The following NRG3 variants were observed in gnomAD, a reference collection of about 807,000 sequenced individuals.
NRG3 encodes the protein neuregulin 3, also known as pro-neuregulin-3, membrane-bound isoform.
Under a neutral mutation model 66.9 loss-of-function variants are expected in NRG3, and 31 were observed. The ratio of observed to expected loss-of-function variants is 0.46; its 90% CI spans 0.35 to 0.63. NRG3 has a LOEUF of 0.63. Ranked by LOEUF, NRG3 falls within the 20% of genes least tolerant of loss-of-function variation. The probability of loss-of-function intolerance (pLI) is 0.00; values close to 1 mark genes in which losing one functional copy is unlikely to be tolerated. For synonymous variants in NRG3, 393 were observed against 359.4 expected (o/e 1.09, Z -1.06); for missense variants, 910 against 878.9 (o/e 1.04, Z -0.45).
intron 2 of NRG3, among the ~76,000 whole-genome samples, chr10:82,498,305 G>C (rs1263348316): frequency 6.6e-6 from 1 of 151,798 alleles, no homozygotes; most frequent in African/African-American, 2.4e-5. Context: ...GACATAATTT[G>C]AGTTGTACAT....
At chr10:82,506,360 A>G (rs541158366) in intron 2 of NRG3, among the ~76,000 whole-genome samples, 5 of 152,320 alleles carry the variant, frequency 3.3e-5, no homozygotes, top group Admixed American at 2.6e-4. Flanking sequence ...TTGATTCCTT[A>G]TAAGTAATTT....
chr10:82,111,715 C>A (rs915290521), intron 1 of NRG3, among the ~76,000 whole-genome samples: 4 of 152,088 alleles, frequency 2.6e-5, no homozygotes, highest in Admixed American at 2.0e-4. Flanking sequence ...CTATTAAATT[C>A]TTTGATGAAA....
intron 1 of NRG3, among the ~76,000 whole-genome samples, chr10:82,253,365 A>T (rs961400303): frequency 2.6e-5 from 4 of 152,226 alleles, no homozygotes; most frequent in African/African-American, 9.6e-5. Flanking sequence ...CCTTCTCCAC[A>T]TTGACAACCA....
intron 1 of NRG3, among the ~76,000 whole-genome samples, chr10:82,077,737 A>T (rs1229757895): frequency 6.6e-6 from 1 of 152,250 alleles, no homozygotes; most frequent in African/African-American, 2.4e-5. Flanking sequence ...CTGTGTTGCC[A>T]ACATAACTTT....
At chr10:82,976,521 A>C (rs966745018) in intron 7 of NRG3, among the ~76,000 whole-genome samples, 7 of 152,160 alleles carry the variant, frequency 4.6e-5, no homozygotes, top group African/African-American at 1.7e-4. Context: ...CATGCTTTGC[A>C]TACTTCCTCT....
chr10:82,574,752 C>T (rs890929660), intron 2 of NRG3, among the ~76,000 whole-genome samples: 2 of 151,640 alleles, frequency 1.3e-5, no homozygotes, highest in Non-Finnish European at 2.9e-5. Context: ...CATTTTGATA[C>T]CATAGATAAA....
intron 1 of NRG3, among the ~76,000 whole-genome samples, chr10:82,035,088 C>T (rs2062740100): frequency 6.6e-6 from 1 of 152,038 alleles, no homozygotes; most frequent in Non-Finnish European, 1.5e-5. Flanking sequence ...TACCAAGCTG[C>T]CCTGTAGTTC....
intron 8 of NRG3, among the ~76,000 whole-genome samples, chr10:82,983,244 C>T (rs1853108675): frequency 6.6e-6 from 1 of 152,146 alleles, no homozygotes. Flanking sequence ...ACATACAAAT[C>T]ATGCTAACAA....
chr10:82,441,116 C>G (rs1055983279), intron 2 of NRG3, among the ~76,000 whole-genome samples: 1 of 152,138 alleles, frequency 6.6e-6, no homozygotes, highest in Non-Finnish European at 1.5e-5. Context: ...AATATTGGAG[C>G]AATTTGTAGA....
intron 1 of NRG3, among the ~76,000 whole-genome samples, chr10:81,980,582 C>G (rs2060298030): frequency 1.3e-5 from 2 of 152,138 alleles, no homozygotes; most frequent in South Asian, 4.1e-4. Flanking sequence ...CATAAGAGGG[C>G]ACAGACACTA....
intron 1 of NRG3, among the ~76,000 whole-genome samples, chr10:82,160,386 A>G (rs931342048): frequency 2.0e-5 from 3 of 152,022 alleles, no homozygotes; most frequent in Non-Finnish European, 4.4e-5. Context: ...TTAAATTCTG[A>G]AGGTTCCTGG....
At chr10:82,568,110 A>G (rs2045523562) in intron 2 of NRG3, among the ~76,000 whole-genome samples, 1 of 151,924 alleles carries the variant, frequency 6.6e-6, no homozygotes, top group South Asian at 2.1e-4. Flanking sequence ...CATGGCACAA[A>G]TGAACTAGAA....
intron 3 of NRG3, among the ~76,000 whole-genome samples, chr10:82,776,506 A>T (rs1457192711): frequency 6.6e-6 from 1 of 152,162 alleles, no homozygotes; most frequent in Non-Finnish European, 1.5e-5. Flanking sequence ...TATTTTGTCA[A>T]ATAAGCTTTA....
At chr10:82,868,704 A>C (rs989126762) in intron 4 of NRG3, among the ~76,000 whole-genome samples, 3 of 151,918 alleles carry the variant, frequency 2.0e-5, no homozygotes, top group African/African-American at 7.3e-5. Context: ...TTTTATTTTT[A>C]TTTTTTGAGA....
intron 1 of NRG3, among the ~76,000 whole-genome samples, chr10:82,196,638 A>C (rs1371720161): frequency 6.6e-6 from 1 of 152,224 alleles, no homozygotes; most frequent in Non-Finnish European, 1.5e-5. Context: ...AATAATTATT[A>C]ATAAAATATG....
chr10:82,236,276 T>A (rs1268017769), intron 1 of NRG3, among the ~76,000 whole-genome samples: 1 of 152,186 alleles, frequency 6.6e-6, no homozygotes, highest in Non-Finnish European at 1.5e-5. Flanking sequence ...TGGAAGGAGC[T>A]GGCATAGCTC....
intron 2 of NRG3, among the ~76,000 whole-genome samples, chr10:82,654,445 G>A (rs2051684551): frequency 6.6e-6 from 1 of 152,148 alleles, no homozygotes; most frequent in African/African-American, 2.4e-5. Flanking sequence ...TATCCCTACA[G>A]CATGCAATGT....
At chr10:82,027,852 G>A (rs2062385744) in intron 1 of NRG3, among the ~76,000 whole-genome samples, 2 of 152,090 alleles carry the variant, frequency 1.3e-5, no homozygotes, top group Admixed American at 1.3e-4. Context: ...TAAACTCCCA[G>A]AGAAGAGACA....
chr10:82,872,733 A>G (rs1487857043), intron 4 of NRG3, among the ~76,000 whole-genome samples: 1 of 98,734 alleles, frequency 1.0e-5, no homozygotes, highest in Non-Finnish European at 2.4e-5. Context: ...ATACGATATG[A>G]AAAAAAAAAA....
Sources: gnomAD v4.1 joint callset for allele counts (sites outside exome capture counted in the v4.1 genomes callset) on GRCh38, gnomAD v4.1.1 for gene constraint, MANE v1.5 for transcripts, NCBI Gene and HGNC (gene_info 2026-07-23, HGNC 2026-07-21) for gene names.